The following AK5 variants were observed in gnomAD, a reference collection of about 807,000 sequenced individuals.
AK5 encodes adenylate kinase 5.
A neutral mutation model predicts 69.5 loss-of-function variants in AK5; 27 were observed. The observed-to-expected ratio is 0.39, with a 90% CI of 0.29 to 0.54. The LOEUF (loss-of-function observed/expected upper bound fraction) is 0.54, where lower values mean the gene tolerates loss of function less well. Ranked by LOEUF, AK5 falls within the 20% of genes least tolerant of loss-of-function variation. AK5 has a pLI of 0.71. For synonymous variants in AK5, 260 were observed against 244.4 expected (o/e 1.06, Z -0.60); for missense variants, 531 against 700.4 (o/e 0.76, Z 2.73).
At chr1:77,403,480 G>A (rs1303071744) in intron 6 of AK5, among the ~76,000 whole-genome samples, 5 of 152,022 alleles carry the variant, frequency 3.3e-5, no homozygotes, top group African/African-American at 1.2e-4. Flanking sequence ...TGTATAAGGT[G>A]TAAGGAAGGG....
At chr1:77,422,956 C>T (rs1464391631) in intron 8 of AK5, among the ~76,000 whole-genome samples, 1 of 152,148 alleles carries the variant, frequency 6.6e-6, no homozygotes, top group East Asian at 1.9e-4. Flanking sequence ...TGGCTCACGC[C>T]TGTAATCCCA....
intron 6 of AK5, among the ~76,000 whole-genome samples, chr1:77,373,409 G>T (rs1326035047): frequency 6.6e-6 from 1 of 152,152 alleles, no homozygotes; most frequent in African/African-American, 2.4e-5. Context: ...TATTTGCTGA[G>T]GTAGTGAGTG....
intron 13 of AK5, among the ~76,000 whole-genome samples, chr1:77,545,778 G>T (rs746092373): frequency 6.6e-6 from 1 of 152,076 alleles, no homozygotes; most frequent in Non-Finnish European, 1.5e-5. Context: ...AGTCTGAAGC[G>T]TCCCTGCATT....
chr1:77,355,284 T>C (rs180731914), intron 6 of AK5, among the ~76,000 whole-genome samples: 1 of 152,330 alleles, frequency 6.6e-6, no homozygotes, highest in Non-Finnish European at 1.5e-5. Context: ...CAATCTGAAT[T>C]CTTAAAACAA....
intron 8 of AK5, among the ~76,000 whole-genome samples, chr1:77,427,040 A>G (rs184577024): frequency 3.3e-5 from 5 of 152,266 alleles, no homozygotes; most frequent in African/African-American, 1.2e-4. Context: ...TTGAATTCAT[A>G]TATTAGAACA....
At chr1:77,425,978 T>C (rs1021849678) in intron 8 of AK5, among the ~76,000 whole-genome samples, 2 of 152,142 alleles carry the variant, frequency 1.3e-5, no homozygotes, top group East Asian at 1.9e-4. Flanking sequence ...AAAAGAAGTA[T>C]ATGTGGTATG....
At chr1:77,328,239 G>A (rs150796628) in intron 5 of AK5, among the ~76,000 whole-genome samples, 447 of 152,234 alleles carry the variant, frequency 2.9e-3, no homozygotes, top group Middle Eastern at 6.8e-3. Context: ...AGTGGCTCAC[G>A]CCTGTAATTG....
intron 8 of AK5, among the ~76,000 whole-genome samples, chr1:77,421,124 G>A (rs1650784688): frequency 6.6e-6 from 1 of 152,174 alleles, no homozygotes; most frequent in African/African-American, 2.4e-5. Flanking sequence ...GCCATAGTTT[G>A]CTGACTCCTG....
intron 13 of AK5, among the ~76,000 whole-genome samples, chr1:77,549,424 A>G (rs1659708436): frequency 6.6e-6 from 1 of 152,126 alleles, no homozygotes; most frequent in Non-Finnish European, 1.5e-5. Flanking sequence ...CTATCACCTC[A>G]AGCGTTTGTC....
intron 13 of AK5, among the ~76,000 whole-genome samples, chr1:77,550,978 A>G (rs1659794698): frequency 6.6e-6 from 1 of 152,174 alleles, no homozygotes; most frequent in African/African-American, 2.4e-5. Flanking sequence ...GGAGTTTGAG[A>G]CCAGCCTGGC....
intron 13 of AK5, among the ~76,000 whole-genome samples, chr1:77,549,721 A>C (rs895363634): frequency 3.3e-5 from 5 of 152,206 alleles, no homozygotes; most frequent in African/African-American, 1.2e-4. Context: ...TGCCTGGCTT[A>C]TTTCACTTAA....
At position 77,417,661 on chromosome 1, in the gene AK5, G is replaced by A. The variant is rs1014661516; in HGVS notation, c.1005G>A (p.Ser335=). ...AAAGSSDLDP[S]MILDTGEIID... is the part of the protein sequence containing the mutation. ...TAGGTTCAAGTGACCTTGATCCTTC[G>A]ATGATATTGGACACTGGAGAGATCA... is the stretch of plus-strand genomic sequence containing the variant. Residue 335 remains serine, a synonymous_variant, in exon 8 of 14, where the codon TCG becomes TCA. Transcript: ENST00000354567. The A allele has an allele frequency of 1.7e-5, 28 of 1,609,182 alleles. No individual in the cohort carries two copies. Among genetic ancestry groups the A allele is most frequent in the African/African-American group, 1.6e-4 (12 of 74,782 alleles).
chr1:77,486,193 T>G (rs1655574636), intron 9 of AK5, 115 bp from the exon 10 acceptor site: 3 of 669,068 alleles, frequency 4.5e-6, no homozygotes, highest in East Asian at 3.0e-5. Context: ...TTTATTCAAC[T>G]TCAAGCTTTT....
intron 10 of AK5, among the ~76,000 whole-genome samples, chr1:77,505,400 AACTAGAAAACCAC>A (rs1161945578): frequency 6.6e-6 from 1 of 152,212 alleles, no homozygotes; most frequent in Non-Finnish European, 1.5e-5. Context: ...AAGAAAACCA[AACTAGAAAACCAC>A]ATGTAGGAAA....
At chr1:77,396,594 T>C (rs1648846025) in intron 6 of AK5, among the ~76,000 whole-genome samples, 1 of 151,974 alleles carries the variant, frequency 6.6e-6, no homozygotes, top group Non-Finnish European at 1.5e-5. Flanking sequence ...AGGGAAAAAA[T>C]GAGGATGGTT....
At chr1:77,346,416 A>G (rs1661917685) in intron 6 of AK5, 1 of 152,252 alleles carries the variant, frequency 6.6e-6, no homozygotes, top group South Asian at 2.1e-4. Flanking sequence ...CTCAACGTAC[A>G]GCCATTGGTT....
At chr1:77,391,471 A>ATGTGTG (rs66907899) in intron 6 of AK5, among the ~76,000 whole-genome samples, 3 of 60,278 alleles carry the variant, frequency 5.0e-5, no homozygotes, top group Non-Finnish European at 1.0e-4. Context: ...ATATACACAT[A>ATGTGTG]TGTGTGTGTG....
Position 77,325,551 on chromosome 1 carries a change from G to T in AK5, c.700-14826G>T, listed in dbSNP as rs1220474977. On this transcript the variant is annotated intron_variant, in intron 5 of 13. Transcript: ENST00000354567. ...ACAACATGCCATATGATCATGTGCT[G>T]CTCACGTCGACCACAAGTTTCCAGA... Among the ~76,000 whole-genome samples the T allele has an allele frequency of 3.9e-5, 6 of 152,094 alleles. No individual in the cohort carries two copies. In the East Asian group the frequency reaches 1.2e-3, roughly 29 times the overall value.
At chr1:77,305,318 G>A (rs1473325425) in intron 5 of AK5, among the ~76,000 whole-genome samples, 2 of 151,936 alleles carry the variant, frequency 1.3e-5, no homozygotes, top group Non-Finnish European at 2.9e-5. Context: ...ATCCTTTGCT[G>A]TGCAAAAGCT....
Sources: allele counts gnomAD v4.1 joint callset (sites outside exome capture counted in the v4.1 genomes callset), GRCh38; gene constraint gnomAD v4.1.1; transcripts MANE v1.5; gene names NCBI Gene and HGNC (gene_info 2026-07-23, HGNC 2026-07-21).